Variants in SNX31 observed in about 807,000 individuals in gnomAD.
SNX31 encodes sorting nexin 31.
SNX31 carries 58 observed loss-of-function variants against 65.4 expected under a neutral mutation model. The observed-to-expected ratio is 0.89, with a 90% CI of 0.72 to 1.10. SNX31 has a LOEUF of 1.10. Among genes scored for constraint, SNX31 ranks in the 50% least tolerant of loss-of-function variants. SNX31 has a pLI of 0.00. For missense variants in SNX31, 523 were observed against 529.7 expected (o/e 0.99, Z 0.12); for synonymous variants, 181 against 190.1 (o/e 0.95, Z 0.39).
At chr8:100,600,505 A>G in intron 8 of SNX31, 64 bp from the exon 9 acceptor site, 1 of 1,342,460 alleles carries the variant, frequency 7.4e-7, no homozygotes, top group Non-Finnish European at 1.1e-6. Flanking sequence ...TGACAAAAAC[A>G]TACTCTTGTA....
chr8:100,616,386 C>T (rs1441293906), intron 5 of SNX31, among the ~76,000 whole-genome samples: 3 of 152,276 alleles, frequency 2.0e-5, no homozygotes, highest in Non-Finnish European at 4.4e-5. Flanking sequence ...CAGCTGTACC[C>T]CAGAGCTACC....
chr8:100,643,043 T>C (rs1169900975), intron 2 of SNX31, among the ~76,000 whole-genome samples: 1 of 151,926 alleles, frequency 6.6e-6, no homozygotes, highest in East Asian at 1.9e-4. Flanking sequence ...ATACAAAAAT[T>C]AGCCAGGTGT....
chr8:100,628,487 A>G, intron 4 of SNX31, among the ~76,000 whole-genome samples: 2 of 151,996 alleles, frequency 1.3e-5, no homozygotes. Flanking sequence ...AACTATCGCA[A>G]GGACAAAAAA....
rs1170316767 is a variant in SNX31, at chr8:100,641,593, TATACAC to T, written c.142-5588_142-5583del. Among the ~76,000 whole-genome samples, 33 of 22,118 alleles carry T rather than the reference TATACAC, an allele frequency of 1.5e-3. 1 individual carries two copies. The highest frequency in any genetic ancestry group is 8.5e-3 in the African/African-American group (26 of 3,050). The allele number at this position is 22,118 out of a possible 152,430, so 14.5% of individuals were successfully genotyped here. On this transcript the variant is annotated intron_variant, in intron 2 of 13. Transcript: ENST00000311812. ...ATATATATATATATATATATATATA[TATACAC>T]ATACACACACACACGCACACACGCG...
chr8:100,649,297 G>A lies in SNX31; in HGVS notation c.118C>T (p.Gln40Ter), dbSNP rs752645940. The A allele has an allele frequency of 9.3e-5, 150 of 1,613,954 alleles. 1 individual carries two copies. Among genetic ancestry groups the A allele is most frequent in the Non-Finnish European group, 1.2e-4 (147 of 1,179,940 alleles). The change falls in exon 2 of 14, where the codon CAG (glutamine) becomes TAG (stop). Residue 40 changes from glutamine (Q) to a stop codon, truncating the protein, a stop_gained. Transcript: ENST00000311812. LOFTEE classifies it high-confidence loss of function. ...ACCTGTTCGTTCCAACCGTGCAGCT[G>A]GCTGTAGCGCACCCTGCAGAAGAGG... ...GFLFCRVRYSQLHGWNEQLRR... is the reference protein window; with the variant it reads ...GFLFCRVRYS
intron 8 of SNX31, among the ~76,000 whole-genome samples, chr8:100,603,548 G>C (rs1275300966): frequency 6.6e-6 from 1 of 150,788 alleles, no homozygotes; most frequent in African/African-American, 2.4e-5. Flanking sequence ...TGATTCTCCT[G>C]TTTCAGCCTC....
chr8:100,602,922 G>A (rs1243639795), intron 8 of SNX31, among the ~76,000 whole-genome samples: 1 of 152,190 alleles, frequency 6.6e-6, no homozygotes, highest in Non-Finnish European at 1.5e-5. Context: ...GCAAGACCAA[G>A]AATAAGGGGG....
At chr8:100,647,756 C>T (rs1218551241) in intron 2 of SNX31, among the ~76,000 whole-genome samples, 1 of 152,192 alleles carries the variant, frequency 6.6e-6, no homozygotes, top group African/African-American at 2.4e-5. Flanking sequence ...TGCTCTGCTC[C>T]TGCCCCTTCC....
At chr8:100,642,022 T>C (rs933908896) in intron 2 of SNX31, among the ~76,000 whole-genome samples, 4 of 152,104 alleles carry the variant, frequency 2.6e-5, no homozygotes, top group African/African-American at 9.7e-5. Context: ...GAGCTTGCAG[T>C]GAGCCGAGAT....
chr8:100,646,228 A>G (rs78482126), intron 2 of SNX31, among the ~76,000 whole-genome samples: 9,991 of 152,248 alleles, frequency 0.066, 451 homozygotes, highest in Non-Finnish European at 0.095. Flanking sequence ...ATGGCCAAAT[A>G]GTTGATGGTT....
chr8:100,623,828 G>A (rs548732898), intron 4 of SNX31, among the ~76,000 whole-genome samples: 1 of 152,268 alleles, frequency 6.6e-6, no homozygotes, highest in African/African-American at 2.4e-5. Context: ...AAAAGCAACA[G>A]AAAGTCAGAG....
intron 2 of SNX31, 100 bp from the exon 3 acceptor site, chr8:100,636,111 T>G (rs984816093): frequency 1.4e-6 from 1 of 735,390 alleles, no homozygotes; most frequent in Admixed American, 2.6e-5. Flanking sequence ...TCCCAGCACT[T>G]TATTTCAAAT....
intron 5 of SNX31, among the ~76,000 whole-genome samples, chr8:100,615,927 G>A (rs944419596): frequency 1.6e-4 from 24 of 151,638 alleles, no homozygotes; most frequent in Non-Finnish European, 2.8e-4. Flanking sequence ...CCGCCACCAC[G>A]CCCGGCTAAT....
At chr8:100,632,533 T>C (rs746206129) in intron 3 of SNX31, among the ~76,000 whole-genome samples, 4 of 152,158 alleles carry the variant, frequency 2.6e-5, no homozygotes, top group African/African-American at 4.8e-5. Flanking sequence ...TTCTAAGATA[T>C]ATATTTTTTA....
intron 11 of SNX31, among the ~76,000 whole-genome samples, chr8:100,586,835 T>C (rs889807101): frequency 6.6e-6 from 1 of 152,222 alleles, no homozygotes; most frequent in Non-Finnish European, 1.5e-5. Flanking sequence ...AAGTTGAATA[T>C]GACATCGATG....
At chr8:100,652,391 T>C (rs1215005057), upstream of SNX31, among the ~76,000 whole-genome samples, 1 of 152,196 alleles carries the variant, frequency 6.6e-6, no homozygotes, top group Non-Finnish European at 1.5e-5. Flanking sequence ...GCCTGGTGCA[T>C]GGTCAGCACT....
intron 12 of SNX31, among the ~76,000 whole-genome samples, chr8:100,581,311 T>TA (rs56949626): frequency 4.3e-4 from 53 of 122,674 alleles, no homozygotes; most frequent in African/African-American, 2.4e-3. Context: ...AAAAAATTTT[T>TA]TATATATCTA....
At chr8:100,651,900 T>C (rs557434791), upstream of SNX31, among the ~76,000 whole-genome samples, 1 of 152,368 alleles carries the variant, frequency 6.6e-6, no homozygotes, top group South Asian at 2.1e-4. Flanking sequence ...CTCTAGAGCC[T>C]GTGCTCTGTG....
rs1236222013 is a variant in SNX31 at position 100,626,241 on chromosome 8, AC to A, written c.321+4085del. ...ATCAGTTAATTTAATCCTCAAAGCA[AC>A]CCCAAGAGACAGGAGCTCTTCTCCC... On this transcript the variant is annotated intron_variant, in intron 4 of 13. Coordinates refer to ENST00000311812, the MANE Select transcript of SNX31 (RefSeq NM_152628.4). The surrounding 1 kb of genome is among the most constrained non-coding windows in gnomAD (Gnocchi z 4.4). 6.6e-6 allele frequency among the ~76,000 whole-genome samples: 1 copy of A among 152,180 alleles called. No homozygotes were observed. The highest frequency in any genetic ancestry group is 1.5e-5 in the Non-Finnish European group (1 of 68,026).
Sources: allele counts gnomAD v4.1 joint callset (sites outside exome capture counted in the v4.1 genomes callset), GRCh38; gene constraint gnomAD v4.1.1; non-coding constraint Gnocchi (gnomAD v3.1); transcripts MANE v1.5; gene names NCBI Gene and HGNC (gene_info 2026-07-23, HGNC 2026-07-21).